BMPR1A: variants seen among roughly 807,000 people sequenced by gnomAD.
The protein encoded by BMPR1A is bone morphogenetic protein receptor type-1A.
A neutral mutation model predicts 66.0 loss-of-function variants in BMPR1A; 7 were observed. That is an observed-to-expected ratio of 0.11 (90% CI 0.06 to 0.20). BMPR1A has a LOEUF of 0.20. Among genes scored for constraint, BMPR1A ranks in the 10% least tolerant of loss-of-function variants. The pLI is 1.00. For missense variants in BMPR1A, 408 were observed against 669.1 expected (o/e 0.61, Z 4.31); for synonymous variants, 200 against 229.7 (o/e 0.87, Z 1.17).
chr10:86,870,792 A>G (rs1319807489), intron 2 of BMPR1A, among the ~76,000 whole-genome samples: 2 of 150,508 alleles, frequency 1.3e-5, no homozygotes, highest in South Asian at 4.2e-4. Context: ...TTTTTTTTTT[A>G]ATTCATCCAT....
chr10:86,862,293 G>A (rs1842721566), intron 2 of BMPR1A, among the ~76,000 whole-genome samples: 1 of 152,202 alleles, frequency 6.6e-6, no homozygotes, highest in African/African-American at 2.4e-5. Context: ...CTTGGAAGGG[G>A]CAAGGCAGCA....
chr10:86,795,323 A>G (rs1478722585), intron 1 of BMPR1A, among the ~76,000 whole-genome samples: 1 of 152,124 alleles, frequency 6.6e-6, no homozygotes, highest in African/African-American at 2.4e-5. Context: ...TTTTACTCAG[A>G]TAGTGATTCA....
At chr10:86,835,249 G>GAAAAAAAAAAAAAAAAAAAA (rs200647478) in intron 1 of BMPR1A, among the ~76,000 whole-genome samples, 1 of 117,394 alleles carries the variant, frequency 8.5e-6, no homozygotes. Flanking sequence ...AAGAAAAAAA[G>GAAAAAAAAAAAAAAAAAAAA]AAAAAAAAAA....
Position 86,924,373 on chromosome 10 carries a change from A to G in BMPR1A, c.*654A>G, listed in dbSNP as rs575853350. 3.2e-3 allele frequency: 742 copies of G among 235,266 alleles called. No homozygotes were observed. The highest frequency in any genetic ancestry group is 4.3e-3 in the Non-Finnish European group (509 of 119,070). The allele number at this position is 235,266 out of a possible 1,614,324, so 14.6% of individuals were successfully genotyped here. ...TTTAAAAATGCAATATCTGACCAAG[A>G]TTCGCCAATCTCATACAAGCCATTT... On this transcript the variant is annotated 3_prime_UTR_variant, in exon 13 of 13. Transcript: ENST00000372037.
Position 86,770,516 on chromosome 10 carries a change from G to C in BMPR1A, c.-268+13597G>C, listed in dbSNP as rs749854848. 1.3e-4 allele frequency among the ~76,000 whole-genome samples: 20 copies of C among 152,164 alleles called. 1 individual carries two copies. The highest frequency in any genetic ancestry group is 2.6e-4 in the Non-Finnish European group (18 of 68,022). ...CATGAAAGAACCCCACTTGTCCCCA[G>C]AAGAAAAGCTATCATTTGTCTGCTT... On this transcript the variant is annotated intron_variant, in intron 1 of 12. Coordinates refer to ENST00000372037, the MANE Select transcript of BMPR1A (RefSeq NM_004329.3).
At chr10:86,897,628 A>G (rs1843243259) in intron 5 of BMPR1A, among the ~76,000 whole-genome samples, 1 of 152,152 alleles carries the variant, frequency 6.6e-6, no homozygotes, top group Admixed American at 6.5e-5. Context: ...TTTTTTAAAG[A>G]CAGGGTATTG....
intron 1 of BMPR1A, among the ~76,000 whole-genome samples, chr10:86,813,880 C>G (rs966174414): frequency 6.6e-6 from 1 of 152,040 alleles, no homozygotes; most frequent in Non-Finnish European, 1.5e-5. Context: ...AACAATATTC[C>G]CTGAGTTTTT....
intron 7 of BMPR1A, among the ~76,000 whole-genome samples, chr10:86,901,392 T>C (rs1377877814): frequency 6.6e-6 from 1 of 152,242 alleles, no homozygotes; most frequent in Non-Finnish European, 1.5e-5. Flanking sequence ...GAAAATTGAC[T>C]TTCAAGCAGT....
At chr10:86,837,143 G>C (rs1209557926) in intron 1 of BMPR1A, among the ~76,000 whole-genome samples, 17 of 152,072 alleles carry the variant, frequency 1.1e-4, no homozygotes, top group Admixed American at 1.1e-3. Flanking sequence ...TTTAGTAAAT[G>C]GTGCTGTAAT....
At chr10:86,855,594 T>C in intron 2 of BMPR1A, 1 of 584,362 alleles carries the variant, frequency 1.7e-6, no homozygotes, top group Non-Finnish European at 3.1e-6. Flanking sequence ...AAGTACTATT[T>C]GAAGAACTCT....
rs1841395555 is a variant in BMPR1A, at chr10:86,778,926, TC to T, written c.-268+22008del. 2.0e-5 allele frequency among the ~76,000 whole-genome samples: 3 copies of T among 148,116 alleles called. 1 individual carries two copies. The South Asian group carries it at 6.4e-4, about 31-fold the overall frequency. ...ATGAGTGGATTTTATTTATGTATTT[TC>T]TTTTTTTTTTTTTTTTTTTAAGTAG... is the stretch of plus-strand genomic sequence containing the variant. On this transcript the variant is annotated intron_variant, in intron 1 of 12. Coordinates refer to ENST00000372037, the MANE Select transcript of BMPR1A (RefSeq NM_004329.3).
chr10:86,807,738 A>T (rs181537991), intron 1 of BMPR1A, among the ~76,000 whole-genome samples: 2 of 152,082 alleles, frequency 1.3e-5, no homozygotes, highest in East Asian at 3.9e-4. Flanking sequence ...ACGCTTCTGT[A>T]ATCTCTATCA....
At chr10:86,856,136 T>G in intron 2 of BMPR1A, 1 of 521,826 alleles carries the variant, frequency 1.9e-6, no homozygotes, top group Non-Finnish European at 3.8e-6. Context: ...AAATTTTATA[T>G]TTAATTCCCA....
intron 1 of BMPR1A, among the ~76,000 whole-genome samples, chr10:86,815,126 G>T (rs1842018602): frequency 1.3e-5 from 2 of 152,118 alleles, no homozygotes; most frequent in Admixed American, 1.3e-4. Context: ...ATTTGGATCT[G>T]AAAACTTTGC....
intron 2 of BMPR1A, among the ~76,000 whole-genome samples, chr10:86,864,012 C>G (rs1490468525): frequency 1.3e-5 from 2 of 152,138 alleles, no homozygotes; most frequent in Non-Finnish European, 2.9e-5. Context: ...GATAATTTTT[C>G]TTCTTAGAGA....
At chr10:86,799,187 AT>A (rs1240016846) in intron 1 of BMPR1A, among the ~76,000 whole-genome samples, 1 of 152,174 alleles carries the variant, frequency 6.6e-6, no homozygotes, top group Non-Finnish European at 1.5e-5. Flanking sequence ...GATGGTTGTA[AT>A]TATCATTGAT....
intron 11 of BMPR1A, among the ~76,000 whole-genome samples, chr10:86,922,880 T>G (rs1019137140): frequency 1.3e-5 from 2 of 152,242 alleles, no homozygotes; most frequent in African/African-American, 4.8e-5. Flanking sequence ...TTTATATCCA[T>G]GTAGGGAACT....
downstream of BMPR1A, chr10:86,931,790 T>G (rs1214354416): frequency 6.6e-6 from 1 of 152,234 alleles, no homozygotes; most frequent in African/African-American, 2.4e-5. Context: ...GGATCTTTTC[T>G]TAGACCTGGG....
chr10:86,832,932 C>T (rs972751694), intron 1 of BMPR1A, among the ~76,000 whole-genome samples: 1 of 152,032 alleles, frequency 6.6e-6, no homozygotes, highest in Non-Finnish European at 1.5e-5. Flanking sequence ...AATTTTGGAT[C>T]CTGTGATAAG....
Sources: gnomAD v4.1 joint callset for allele counts (sites outside exome capture counted in the v4.1 genomes callset) on GRCh38, gnomAD v4.1.1 for gene constraint, MANE v1.5 for transcripts, NCBI Gene and HGNC (gene_info 2026-07-23, HGNC 2026-07-21) for gene names.